The following DTX4 variants were observed in gnomAD, a reference collection of about 807,000 sequenced individuals.
DTX4 encodes the protein E3 ubiquitin-protein ligase DTX4.
DTX4 carries 28 observed loss-of-function variants against 57.6 expected under a neutral mutation model. The observed-to-expected ratio is 0.49, with a 90% CI of 0.36 to 0.67. DTX4 has a LOEUF of 0.67. Among genes scored for constraint, DTX4 ranks in the 30% least tolerant of loss-of-function variants. The probability of loss-of-function intolerance (pLI) is 0.00; values close to 1 mark genes in which losing one functional copy is unlikely to be tolerated. For synonymous variants in DTX4, 316 were observed against 331.0 expected (o/e 0.95, Z 0.49); for missense variants, 715 against 836.8 (o/e 0.85, Z 1.80).
chr11:59,183,967 A>G (rs656163), intron 2 of DTX4, among the ~76,000 whole-genome samples: 80,035 of 152,110 alleles, frequency 0.53, 21,120 homozygotes, highest in African/African-American at 0.54. Flanking sequence ...TGTGTTATGC[A>G]ATAGGGGTTG....
intron 2 of DTX4, among the ~76,000 whole-genome samples, chr11:59,187,174 A>G (rs1044624365): frequency 6.6e-6 from 1 of 152,156 alleles, no homozygotes; most frequent in African/African-American, 2.4e-5. Flanking sequence ...TTTCTGGTCT[A>G]TGTTTGCAGT....
rs1565221595 is a variant in DTX4 at position 59,199,732 on chromosome 11, CCA to C, written c.1587_1588del (p.Arg530ThrfsTer45). On this transcript the variant is annotated frameshift_variant, in exon 8 of 9. Transcript: ENST00000227451. LOFTEE classifies it high-confidence loss of function. ...PGKSFSARGF[P>X]RHCYLPDSEK... ...GAAGAGTTTCAGCGCCCGAGGCTTC[CCA>C]CGACACTGTTACCTTCCGGACAGCG... 6.3e-7 allele frequency: 1 copy of C among 1,574,884 alleles called. No homozygotes were observed. The highest frequency in any genetic ancestry group is 1.2e-5 in the South Asian group (1 of 85,312).
chr11:59,171,472 C>A (rs1862321528), upstream of DTX4: 1 of 152,196 alleles, frequency 6.6e-6, no homozygotes, highest in African/African-American at 2.4e-5. Context: ...GCCAGAAAAA[C>A]CACATTTGCT....
chr11:59,171,982 C>A (rs1193551279), upstream of DTX4, among the ~76,000 whole-genome samples: 1 of 151,994 alleles, frequency 6.6e-6, no homozygotes, highest in East Asian at 1.9e-4. Context: ...CGCGGGTTTG[C>A]CTTAGCGCCC....
rs568733480 is a variant in DTX4, at chr11:59,207,826, G to C, written c.*2917G>C. On this transcript the variant is annotated 3_prime_UTR_variant, in exon 9 of 9. Coordinates refer to ENST00000227451, the MANE Select transcript of DTX4 (RefSeq NM_015177.2). ...AGGTTAATTGTGTATTTGTGGCTGCGTGTGCCTTTGTGTTTTCATTCTCTT... is the reference window on the plus strand; with the variant it reads ...AGGTTAATTGTGTATTTGTGGCTGCCTGTGCCTTTGTGTTTTCATTCTCTT... 6.6e-6 allele frequency: 1 copy of C among 152,566 alleles called. No homozygotes were observed. Among genetic ancestry groups the C allele is most frequent in the Non-Finnish European group, 1.5e-5 (1 of 68,066 alleles). 9.5% of individuals were successfully genotyped at this position (152,566 alleles called of 1,614,324 possible). A position where few individuals can be genotyped will look rare whatever the true frequency, so the allele number is the denominator to read the frequency against.
In DTX4 at chr11:59,205,925, C is replaced by G. The variant is rs143747421; in HGVS notation, c.*1016C>G. The stretch of plus-strand genomic sequence containing the variant: ...GCACTCTGTTTTGCAAGATGCCAAA[C>G]CCCAGTTCTGATGGGGCTCCAACAG... On this transcript the variant is annotated 3_prime_UTR_variant, in exon 9 of 9. Transcript: ENST00000227451. 3 of 152,770 alleles carry G rather than the reference C, an allele frequency of 2.0e-5. No homozygotes were observed. In the East Asian group the frequency reaches 5.8e-4, roughly 30 times the overall value. The allele number at this position is 152,770 out of a possible 1,614,324, so 9.5% of individuals were successfully genotyped here.
intron 2 of DTX4, among the ~76,000 whole-genome samples, chr11:59,182,927 A>G (rs1448582980): frequency 6.6e-6 from 1 of 152,198 alleles, no homozygotes; most frequent in Non-Finnish European, 1.5e-5. Context: ...AGCTTGGGTG[A>G]CAGAATGAGA....
intron 2 of DTX4, 79 bp downstream of exon 2, chr11:59,182,541 G>C: frequency 1.4e-6 from 2 of 1,447,802 alleles, no homozygotes. Context: ...ATCAGAAGGA[G>C]GGGCTGCCAA....
chr11:59,208,239 T>C lies in DTX4; in HGVS notation c.*3330T>C, dbSNP rs543971032. On this transcript the variant is annotated 3_prime_UTR_variant, in exon 9 of 9. Transcript: ENST00000227451. ...TGCACCTATCTGTGAGGGATTTGGG[T>C]TACCTCCCTGAGTCTGTAAGCAACC... 2 of 152,642 alleles carry C rather than the reference T, an allele frequency of 1.3e-5. No individual in the cohort carries two copies. Among genetic ancestry groups the C allele is most frequent in the African/African-American group, 4.8e-5 (2 of 41,556 alleles). The allele number at this position is 152,642 out of a possible 1,614,324, so 9.5% of individuals were successfully genotyped here.
intron 1 of DTX4, among the ~76,000 whole-genome samples, chr11:59,173,368 C>G (rs957639296): frequency 2.8e-4 from 43 of 152,314 alleles, no homozygotes; most frequent in African/African-American, 9.9e-4. Context: ...CGGAGGTTCT[C>G]GCTACAGTCG....
chr11:59,172,634 G>A lies in DTX4; in HGVS notation c.39G>A (p.Leu13=). 1.3e-6 allele frequency: 2 copies of A among 1,587,980 alleles called. No individual in the cohort carries two copies. The highest frequency in any genetic ancestry group is 1.7e-6 in the Non-Finnish European group (2 of 1,173,290). Residue 13 remains leucine, a synonymous_variant, in exon 1 of 9, where the codon CTG becomes CTA. Transcript: ENST00000227451. ...CGGCCGTGGTGGTCTGGGAATGGCT[G>A]AACGAGCACGGCCGCTGGCGTCCCT... ...LASAVVVWEW[L]NEHGRWRPYS... is the part of the protein sequence containing the mutation.
intron 7 of DTX4, among the ~76,000 whole-genome samples, chr11:59,199,281 GA>G (rs556461951): frequency 4.1e-4 from 62 of 152,330 alleles, no homozygotes; most frequent in African/African-American, 1.4e-3. Context: ...CTGCACTGCA[GA>G]TTTCTTCTTT....
At chr11:59,179,887 A>T (rs1862441617) in intron 1 of DTX4, among the ~76,000 whole-genome samples, 1 of 151,560 alleles carries the variant, frequency 6.6e-6, no homozygotes, top group Admixed American at 6.6e-5. Flanking sequence ...TCTCTTTCTT[A>T]CACCCCCTAC....
At position 59,204,997 on chromosome 11, in the gene DTX4, C is replaced by A. The variant is rs1196507819; in HGVS notation, c.*88C>A. Reference sequence around the variant, plus strand: ...GAGTCAATGTAGAAGAAGTTGGTGTCCTGCCCTCCCAACTTTCTATCCTCC... The same window carrying A: ...GAGTCAATGTAGAAGAAGTTGGTGTACTGCCCTCCCAACTTTCTATCCTCC... On this transcript the variant is annotated 3_prime_UTR_variant, in exon 9 of 9. Transcript: ENST00000227451. 2 of 1,200,540 alleles carry A rather than the reference C, an allele frequency of 1.7e-6. No homozygotes were observed. Among genetic ancestry groups the A allele is most frequent in the South Asian group, 1.4e-5 (1 of 70,954 alleles). The allele number at this position is 1,200,540 out of a possible 1,614,324, so 74.4% of individuals were successfully genotyped here. A position where few individuals can be genotyped will look rare whatever the true frequency, so the allele number is the denominator to read the frequency against.
At chr11:59,174,501 G>GAAAAAAAAAAAAAAAAAAA (rs71036507) in intron 1 of DTX4, among the ~76,000 whole-genome samples, 2 of 118,042 alleles carry the variant, frequency 1.7e-5, no homozygotes, top group African/African-American at 7.7e-5. Flanking sequence ...TCCAGTCCTG[G>GAAAAAAAAAAAAAAAAAAA]AAAAAAAAAA....
intron 1 of DTX4, among the ~76,000 whole-genome samples, chr11:59,174,613 G>A (rs1862372836): frequency 6.6e-6 from 1 of 152,030 alleles, no homozygotes; most frequent in African/African-American, 2.4e-5. Flanking sequence ...ATTTGGAAAG[G>A]GCAAAGGTGG....
intron 8 of DTX4, among the ~76,000 whole-genome samples, 179 bp from the exon 9 acceptor site, chr11:59,204,497 C>G (rs1862778500): frequency 6.6e-6 from 1 of 152,152 alleles, no homozygotes; most frequent in South Asian, 2.1e-4. Flanking sequence ...GTGACAGAGC[C>G]AGGACTCAGC....
At chr11:59,177,420 CCTT>C (rs979580854) in intron 1 of DTX4, among the ~76,000 whole-genome samples, 3 of 152,184 alleles carry the variant, frequency 2.0e-5, no homozygotes, top group African/African-American at 7.2e-5. Flanking sequence ...CAGTTTGTCA[CCTT>C]CTTTTCATTT....
chr11:59,191,556 G>A (rs10896948), intron 5 of DTX4, among the ~76,000 whole-genome samples: 4,927 of 152,254 alleles, frequency 0.032, 145 homozygotes, highest in East Asian at 0.096. Flanking sequence ...ATTTTTGGTC[G>A]TCATTATTCT....
Sources: allele counts gnomAD v4.1 joint callset (sites outside exome capture counted in the v4.1 genomes callset), GRCh38; gene constraint gnomAD v4.1.1; transcripts MANE v1.5; gene names NCBI Gene and HGNC (gene_info 2026-07-23, HGNC 2026-07-21).